SYNE2: variants seen among roughly 807,000 people sequenced by gnomAD.
SYNE2 encodes spectrin repeat containing nuclear envelope protein 2, also known as nesprin-2.
Under a neutral mutation model 856.3 loss-of-function variants are expected in SYNE2, and 431 were observed. The observed-to-expected ratio is 0.50, with a 90% CI of 0.47 to 0.55. SYNE2 has a LOEUF of 0.55. Among genes scored for constraint, SYNE2 ranks in the 20% least tolerant of loss-of-function variants. SYNE2 has a pLI of 0.00. For synonymous variants in SYNE2, 2,923 were observed against 2,872.3 expected, an observed-to-expected ratio of 1.02 and a Z score of -0.56; for missense variants, 8,129 against 8,023.2, an observed-to-expected ratio of 1.01 and a Z score of -0.50.
At chr14:63,966,560 C>CT (rs1383696927) in intron 10 of SYNE2, among the ~76,000 whole-genome samples, 6 of 149,340 alleles carry the variant, frequency 4.0e-5, no homozygotes, top group South Asian at 2.2e-4. Context: ...ATCAGTAACT[C>CT]TTTTTTTTCC....
intron 1 of SYNE2, among the ~76,000 whole-genome samples, chr14:63,893,184 G>A (rs1440067843): frequency 6.6e-6 from 1 of 151,802 alleles, no homozygotes; most frequent in East Asian, 1.9e-4. Flanking sequence ...GTATTTTCTA[G>A]CACTAAATTC....
At chr14:64,075,518 C>T (rs2097451317) in intron 53 of SYNE2, 1 of 226,156 alleles carries the variant, frequency 4.4e-6, no homozygotes, top group African/African-American at 2.4e-5. Flanking sequence ...TTTTAGTGGC[C>T]TTAAATCATT....
At chr14:64,156,618 C>A (rs932679303) in intron 85 of SYNE2, among the ~76,000 whole-genome samples, 2 of 151,992 alleles carry the variant, frequency 1.3e-5, no homozygotes, top group African/African-American at 4.8e-5. Context: ...GCCACCACTC[C>A]CGGCTAATTT....
intron 63 of SYNE2, 53 bp downstream of exon 63, chr14:64,098,874 A>T: frequency 1.9e-6 from 3 of 1,556,280 alleles, no homozygotes; most frequent in Non-Finnish European, 2.6e-6. Context: ...TCTCTAAAAG[A>T]AGTCAATGAA....
At chr14:63,894,039 G>A (rs576229757) in intron 1 of SYNE2, among the ~76,000 whole-genome samples, 2 of 152,274 alleles carry the variant, frequency 1.3e-5, no homozygotes, top group South Asian at 4.1e-4. Flanking sequence ...AGTTCACCTC[G>A]AGCCAAGTTA....
intron 1 of SYNE2, among the ~76,000 whole-genome samples, chr14:63,889,037 A>G (rs1428203890): frequency 9.0e-5 from 13 of 144,764 alleles, no homozygotes; most frequent in Admixed American, 2.1e-4. Flanking sequence ...ACTTGTCTCT[A>G]CTAAAATACA....
chr14:64,189,145 C>A, intron 98 of SYNE2: 1 of 599,624 alleles, frequency 1.7e-6, no homozygotes, highest in South Asian at 2.0e-5. Flanking sequence ...ACCAGCCTGG[C>A]TGACATGGTG....
chr14:64,106,368 G>A (rs1216790366), intron 64 of SYNE2, among the ~76,000 whole-genome samples: 1 of 152,044 alleles, frequency 6.6e-6, no homozygotes, highest in East Asian at 1.9e-4. Context: ...TAAGAATATT[G>A]GCCGGGCATG....
At chr14:63,962,355 C>T (rs2096331188) in intron 9 of SYNE2, among the ~76,000 whole-genome samples, 1 of 152,004 alleles carries the variant, frequency 6.6e-6, no homozygotes, top group African/African-American at 2.4e-5. Context: ...TGCGGCCGGC[C>T]TGTCAAATTT....
At chr14:63,789,872 G>T (rs539726062) in intron 1 of SYNE2, among the ~76,000 whole-genome samples, 1 of 152,092 alleles carries the variant, frequency 6.6e-6, no homozygotes, top group Non-Finnish European at 1.5e-5. Flanking sequence ...TGAAAAAATT[G>T]TAGGGGAGTT....
At chr14:63,885,032 C>A (rs1338576080) in intron 1 of SYNE2, among the ~76,000 whole-genome samples, 1 of 152,112 alleles carries the variant, frequency 6.6e-6, no homozygotes, top group Non-Finnish European at 1.5e-5. Context: ...AGATTCGCTT[C>A]AAAGAAAGAC....
chr14:63,969,930 A>G (rs1203918821), intron 11 of SYNE2, among the ~76,000 whole-genome samples: 2 of 152,162 alleles, frequency 1.3e-5, no homozygotes, highest in African/African-American at 2.4e-5. Context: ...TTGTGTGTAC[A>G]TGCTTATGAT....
chr14:64,073,903 C>T (rs999204633), intron 52 of SYNE2, 65 bp from the exon 53 acceptor site: 3 of 1,533,050 alleles, frequency 2.0e-6, no homozygotes, highest in Non-Finnish European at 2.7e-6. Flanking sequence ...TGCAATAAAA[C>T]TGTTTCATTT....
chr14:63,898,945 A>G (rs1037709680), intron 1 of SYNE2, among the ~76,000 whole-genome samples: 2 of 152,236 alleles, frequency 1.3e-5, no homozygotes, highest in African/African-American at 4.8e-5. Context: ...TTGTGTAACC[A>G]TCACCACCAT....
At chr14:63,791,145 A>G (rs1887717612) in intron 1 of SYNE2, among the ~76,000 whole-genome samples, 1 of 151,974 alleles carries the variant, frequency 6.6e-6, no homozygotes, top group Admixed American at 6.6e-5. Flanking sequence ...TATTTTTAGT[A>G]GAGTCAGGGT....
intron 99 of SYNE2, among the ~76,000 whole-genome samples, chr14:64,199,711 CT>C (rs1228694975): frequency 1.0e-5 from 1 of 99,978 alleles, no homozygotes; most frequent in Admixed American, 1.2e-4. Context: ...GAGACTCTGT[CT>C]CAAAAAAAAA....
At chr14:64,219,100 T>G (rs939813151) in intron 109 of SYNE2, 108 bp from the exon 110 acceptor site, 62 of 749,222 alleles carry the variant, frequency 8.3e-5, no homozygotes, top group Middle Eastern at 4.1e-4. Context: ...CCTACAGTTT[T>G]TTTGTTTTTT....
Position 64,213,019 on chromosome 14 carries a change from T to C in SYNE2, c.19056+14T>C, listed in dbSNP as rs2098649317. 1 of 1,612,406 alleles carries C rather than the reference T, an allele frequency of 6.2e-7. No homozygotes were observed. On this transcript the variant is annotated intron_variant, in intron 105 of 115. Transcript: ENST00000555002. ...TCCTGCACTCCGGTACGGGCACTGC[T>C]GCCTAGAAATGGCACCTGGGCTGCT...
chr14:64,006,640 G>A (rs2096798210), intron 30 of SYNE2, among the ~76,000 whole-genome samples: 1 of 151,898 alleles, frequency 6.6e-6, no homozygotes, highest in Non-Finnish European at 1.5e-5. Context: ...ACAAGTCTGG[G>A]CAACATAGTG....
Sources: gnomAD v4.1 joint callset for allele counts (sites outside exome capture counted in the v4.1 genomes callset) on GRCh38, gnomAD v4.1.1 for gene constraint, MANE v1.5 for transcripts, NCBI Gene and HGNC (gene_info 2026-07-23, HGNC 2026-07-21) for gene names.